Variants in LRRC4C observed in about 807,000 individuals in gnomAD.
LRRC4C encodes leucine rich repeat containing 4C, also known as leucine-rich repeat-containing protein 4C.
In LRRC4C, 5 loss-of-function variants were observed where a neutral mutation model predicts 33.6. That is an observed-to-expected ratio of 0.15 (90% CI 0.08 to 0.31). LRRC4C has a LOEUF of 0.31. LRRC4C is among the 10% of genes least tolerant of loss of function. The pLI is 1.00. For missense variants in LRRC4C, 560 were observed against 796.7 expected (o/e 0.70, Z 3.58); for synonymous variants, 329 against 302.0 (o/e 1.09, Z -0.93).
At chr11:40,541,042 A>C (rs1331983585) in intron 3 of LRRC4C, among the ~76,000 whole-genome samples, 1 of 152,198 alleles carries the variant, frequency 6.6e-6, no homozygotes, top group African/African-American at 2.4e-5. Flanking sequence ...AATAGGAAAC[A>C]CATTTCTGAA....
Position 41,448,122 on chromosome 11 carries a change from G to GTTTTTTTTTTTTTTTTTTTTTTTTTTT in LRRC4C, c.-496+11308_-496+11309insAAAAAAAAAAAAAAAAAAAAAAAAAAA, listed in dbSNP as rs71063918. Among the ~76,000 whole-genome samples the GTTTTTTTTTTTTTTTTTTTTTTTTTTT allele has an allele frequency of 1.7e-3, 82 of 46,888 alleles. 11 individuals carry two copies. Among genetic ancestry groups the GTTTTTTTTTTTTTTTTTTTTTTTTTTT allele is most frequent in the Admixed American group, 2.5e-3 (9 of 3,624 alleles). 30.8% of individuals were successfully genotyped at this position (46,888 alleles called of 152,430 possible). ...ACAAACGAGGCTGCTGCACACGTCT[G>GTTTTTTTTTTTTTTTTTTTTTTTTTTT]TTTTTTTTTTTTTTTTTTTTGGAGC... On this transcript the variant is annotated intron_variant, in intron 1 of 6. Coordinates refer to ENST00000528697, the MANE Select transcript of LRRC4C (RefSeq NM_001258419.2).
intron 1 of LRRC4C, among the ~76,000 whole-genome samples, chr11:41,321,228 G>C (rs756336383): frequency 6.6e-6 from 1 of 151,970 alleles, no homozygotes; most frequent in Non-Finnish European, 1.5e-5. Flanking sequence ...AAAAACAGGG[G>C]GCAGAGATCA....
intron 1 of LRRC4C, among the ~76,000 whole-genome samples, chr11:41,330,719 A>T (rs759389074): frequency 6.6e-6 from 1 of 152,106 alleles, no homozygotes; most frequent in South Asian, 2.1e-4. Context: ...CTGGAACTAC[A>T]GTGTAGTTTT....
Position 41,045,074 on chromosome 11 carries a change from C to T in LRRC4C, c.-495-111351G>A, listed in dbSNP as rs1857680339. Among the ~76,000 whole-genome samples, 3 of 152,048 alleles carry T rather than the reference C, an allele frequency of 2.0e-5. No individual in the cohort carries two copies. In the South Asian group the frequency reaches 6.2e-4, roughly 31 times the overall value. ...ATTTCTTGAAAATCGTTACTCATCA[C>T]TGATTTTTTTTCTCCTTTTGGTTGC... On this transcript the variant is annotated intron_variant, in intron 1 of 6. Coordinates refer to ENST00000528697, the MANE Select transcript of LRRC4C (RefSeq NM_001258419.2).
intron 2 of LRRC4C, among the ~76,000 whole-genome samples, chr11:40,747,394 T>C (rs1393925899): frequency 1.3e-5 from 2 of 152,046 alleles, no homozygotes; most frequent in African/African-American, 4.8e-5. Context: ...TAGATTAATC[T>C]CTAGTAAAAA....
intron 1 of LRRC4C, among the ~76,000 whole-genome samples, chr11:41,036,629 C>A (rs1486383403): frequency 1.4e-5 from 2 of 147,544 alleles, no homozygotes; most frequent in East Asian, 4.1e-4. Flanking sequence ...TCAGCACCAA[C>A]CAACACAGGT....
At chr11:40,716,435 C>T (rs1321511538) in intron 2 of LRRC4C, among the ~76,000 whole-genome samples, 1 of 151,954 alleles carries the variant, frequency 6.6e-6, no homozygotes, top group Non-Finnish European at 1.5e-5. Context: ...CTTATTGCAG[C>T]TTCCATAAAA....
rs374607673 is a variant in LRRC4C, at chr11:40,117,872, G to A, written c.-42-1538C>T. Among the ~76,000 whole-genome samples, 389 of 151,842 alleles carry A rather than the reference G, an allele frequency of 2.6e-3. 3 individuals carry two copies. The highest frequency in any genetic ancestry group is 9.1e-3 in the African/African-American group (375 of 41,420). ...AGATATTAATATTATATATCACATAGGGTTGTTGTGAGGATAAAATGAGTT... is the reference window on the plus strand; with the variant it reads ...AGATATTAATATTATATATCACATAAGGTTGTTGTGAGGATAAAATGAGTT... On this transcript the variant is annotated intron_variant, in intron 6 of 6. Transcript: ENST00000528697.
intron 1 of LRRC4C, among the ~76,000 whole-genome samples, chr11:40,979,704 C>T (rs528183835): frequency 9.2e-5 from 14 of 152,218 alleles, no homozygotes; most frequent in South Asian, 2.1e-4. Context: ...CAAAGATAAA[C>T]GAAAATTTTC....
chr11:40,209,186 C>T (rs151279512), intron 5 of LRRC4C, among the ~76,000 whole-genome samples: 7 of 152,232 alleles, frequency 4.6e-5, no homozygotes, highest in African/African-American at 1.4e-4. Flanking sequence ...AAACATAAGG[C>T]TGTTCCAGGG....
At chr11:40,791,459 C>T (rs753517097) in intron 2 of LRRC4C, among the ~76,000 whole-genome samples, 2 of 152,134 alleles carry the variant, frequency 1.3e-5, no homozygotes, top group Non-Finnish European at 2.9e-5. Context: ...TAATCTTCTA[C>T]ATACAGGCTC....
chr11:40,855,229 G>A (rs1437339946), intron 2 of LRRC4C, among the ~76,000 whole-genome samples: 1 of 152,118 alleles, frequency 6.6e-6, no homozygotes, highest in Non-Finnish European at 1.5e-5. Flanking sequence ...CATCTAAAGT[G>A]TTCTAACAAT....
intron 3 of LRRC4C, among the ~76,000 whole-genome samples, chr11:40,520,030 C>T (rs565101091): frequency 1.3e-5 from 2 of 152,310 alleles, no homozygotes; most frequent in African/African-American, 2.4e-5. Context: ...CAGGCTGACT[C>T]TCTTGTTAGA....
intron 3 of LRRC4C, among the ~76,000 whole-genome samples, chr11:40,640,699 T>C (rs1942053970): frequency 6.6e-6 from 1 of 152,158 alleles, no homozygotes; most frequent in South Asian, 2.1e-4. Context: ...ACAATTAGAT[T>C]CAAAAATACA....
intron 2 of LRRC4C, among the ~76,000 whole-genome samples, chr11:40,767,056 A>C (rs2137127813): frequency 6.6e-6 from 1 of 152,122 alleles, no homozygotes; most frequent in East Asian, 1.9e-4. Context: ...GAAAACAAGA[A>C]TCTATAATCT....
At chr11:40,218,642 T>TATTTATC (rs60174276) in intron 5 of LRRC4C, among the ~76,000 whole-genome samples, 3 of 111,870 alleles carry the variant, frequency 2.7e-5, no homozygotes, top group African/African-American at 7.6e-5. Flanking sequence ...ATGTATCTAT[T>TATTTATC]TATCTATCTA....
rs78420102 is a variant in LRRC4C at position 41,351,054 on chromosome 11, A to G, written c.-496+108377T>C. 8.1e-3 allele frequency among the ~76,000 whole-genome samples: 1,231 copies of G among 152,082 alleles called. 44 individuals are homozygous for G. In the East Asian group the frequency reaches 0.11, roughly 13 times the overall value. On this transcript the variant is annotated intron_variant, in intron 1 of 6. Coordinates refer to ENST00000528697, the MANE Select transcript of LRRC4C (RefSeq NM_001258419.2). ...AGATCAGCCTGGGCAACAGGACAAG[A>G]CCTCGTGTCTTTTAAAAATTTTTTA...
intron 1 of LRRC4C, among the ~76,000 whole-genome samples, chr11:41,301,170 A>G (rs2137077282): frequency 6.6e-6 from 1 of 152,240 alleles, no homozygotes; most frequent in African/African-American, 2.4e-5. Flanking sequence ...TAGTAAGGAT[A>G]TGCACCTCTG....
chr11:40,180,723 A>G (rs1451247898), intron 5 of LRRC4C, among the ~76,000 whole-genome samples: 1 of 152,218 alleles, frequency 6.6e-6, no homozygotes, highest in Non-Finnish European at 1.5e-5. Context: ...TTTTTCCTAC[A>G]GAATTTCCTG....
Sources: gnomAD v4.1 joint callset for allele counts (sites outside exome capture counted in the v4.1 genomes callset) on GRCh38, gnomAD v4.1.1 for gene constraint, MANE v1.5 for transcripts, NCBI Gene and HGNC (gene_info 2026-07-23, HGNC 2026-07-21) for gene names.